SEPTIN10: variants seen among roughly 807,000 people sequenced by gnomAD.
SEPTIN10 encodes the protein septin 10.
A neutral mutation model predicts 54.8 loss-of-function variants in SEPTIN10; 66 were observed. The ratio of observed to expected loss-of-function variants is 1.21; its 90% confidence interval spans 0.99 to 1.48. The LOEUF is 1.48. Among genes scored for constraint, SEPTIN10 ranks in the 40% most tolerant of loss-of-function variants. The pLI is 0.00. For synonymous variants in SEPTIN10, 161 were observed against 181.0 expected, an observed-to-expected ratio of 0.89 and a Z score of 0.89; for missense variants, 620 against 545.6, an observed-to-expected ratio of 1.14 and a Z score of -1.36.
At chr2:109,585,951 T>A in intron 2 of SEPTIN10, 113 bp from the exon 3 acceptor site, 2 of 689,774 alleles carry the variant, frequency 2.9e-6, no homozygotes, top group Non-Finnish European at 4.9e-6. Flanking sequence ...ATTTTTATAA[T>A]CATTATACCT....
intron 1 of SEPTIN10, among the ~76,000 whole-genome samples, chr2:109,599,045 A>C (rs867687916): frequency 8.5e-5 from 13 of 152,204 alleles, no homozygotes; most frequent in African/African-American, 3.1e-4. Context: ...AGTTAAAATA[A>C]AGTTACAGGT....
In SEPTIN10 at chr2:109,546,230, G is replaced by A; in HGVS notation, c.1169C>T (p.Ala390Val). Residue 390 changes from alanine to valine, a missense_variant, in exon 10 of 11, where the codon GCC (alanine) becomes GTC (valine). By Grantham distance (64) the Ala-to-Val change is moderately conservative. Transcript: ENST00000397712. ...ILKEAERELQAKFEHLKRLHQ... is the reference protein window; with the variant it reads ...ILKEAERELQVKFEHLKRLHQ... The stretch of plus-strand genomic sequence containing the variant: ...AAGTCTCTTAAGGTGCTCAAATTTG[G>A]CCTGTAGCTGGAAACAAAAGTGCAA... 2 of 1,541,466 alleles carry A rather than the reference G, an allele frequency of 1.3e-6. No individual in the cohort carries two copies. The highest frequency in any genetic ancestry group is 1.7e-6 in the Non-Finnish European group (2 of 1,146,334).
At chr2:109,598,364 G>A (rs1034189970) in intron 1 of SEPTIN10, among the ~76,000 whole-genome samples, 23 of 151,732 alleles carry the variant, frequency 1.5e-4, no homozygotes, top group African/African-American at 5.1e-4. Flanking sequence ...CACTGCGCCC[G>A]GCCCTATAAT....
At chr2:109,545,215 T>C (rs1310091981) in intron 10 of SEPTIN10, 3 of 985,254 alleles carry the variant, frequency 3.0e-6, no homozygotes, top group African/African-American at 3.5e-5. Flanking sequence ...CAAATGAGCA[T>C]TCTGAATAGA....
chr2:109,553,891 A>C (rs938990860), intron 8 of SEPTIN10, among the ~76,000 whole-genome samples: 1 of 152,158 alleles, frequency 6.6e-6, no homozygotes, highest in Non-Finnish European at 1.5e-5. Flanking sequence ...ACTTTCAAAA[A>C]TACAAGTGCT....
At chr2:109,544,386 A>G in intron 10 of SEPTIN10, 62 bp from the exon 11 acceptor site, 1 of 1,545,160 alleles carries the variant, frequency 6.5e-7, no homozygotes, top group Non-Finnish European at 8.6e-7. Context: ...AAAAATTAGC[A>G]AACATGCATC....
At position 109,565,815 on chromosome 2, in the gene SEPTIN10, T is replaced by C. The variant is rs771470210; in HGVS notation, c.807A>G (p.Lys269=). 6.2e-7 allele frequency: 1 copy of C among 1,614,080 alleles called. No homozygotes were observed. Among genetic ancestry groups the C allele is most frequent in the Non-Finnish European group, 8.5e-7 (1 of 1,179,990 alleles). The change falls in exon 7 of 11, where the codon AAA becomes AAG. Residue 269 remains lysine (K), a synonymous_variant. Transcript: ENST00000397712. Reference sequence around the variant, plus strand: ...GAGCTTTGACCATCTTGTTTCCGACTTTTACCTCATCCATACTTCCCACAA... The same window carrying C: ...GAGCTTTGACCATCTTGTTTCCGACCTTTACCTCATCCATACTTCCCACAA... ...FAVVGSMDEV[K]VGNKMVKARQ...
At chr2:109,593,862 T>C (rs1304231053) in intron 1 of SEPTIN10, among the ~76,000 whole-genome samples, 2 of 152,228 alleles carry the variant, frequency 1.3e-5, no homozygotes, top group Non-Finnish European at 2.9e-5. Flanking sequence ...CCTTAGTCAC[T>C]AAAATAATCA....
chr2:109,592,810 G>GA (rs887499702), intron 2 of SEPTIN10, among the ~76,000 whole-genome samples: 7 of 149,858 alleles, frequency 4.7e-5, no homozygotes, highest in East Asian at 2.0e-4. Context: ...AAAAGAAACA[G>GA]AAAAAAAAAT....
chr2:109,593,289 T>C (rs1377123141), intron 1 of SEPTIN10, among the ~76,000 whole-genome samples, 170 bp from the exon 2 acceptor site: 5 of 152,242 alleles, frequency 3.3e-5, no homozygotes, highest in Non-Finnish European at 7.3e-5. Flanking sequence ...GCTTTCTTGC[T>C]GGATAGGTAT....
intron 8 of SEPTIN10, among the ~76,000 whole-genome samples, chr2:109,553,635 C>G (rs1683641821): frequency 6.6e-6 from 1 of 151,534 alleles, no homozygotes; most frequent in African/African-American, 2.4e-5. Context: ...GGCAGATCAC[C>G]TGAGGTCAGG....
At chr2:109,558,708 C>T (rs76344302) in intron 8 of SEPTIN10, among the ~76,000 whole-genome samples, 31,237 of 151,954 alleles carry the variant, frequency 0.21, 3,803 homozygotes, top group South Asian at 0.27. Context: ...GAAAAACAAA[C>T]GGAAGTTCTG....
chr2:109,583,198 G>C (rs546865901), intron 4 of SEPTIN10, among the ~76,000 whole-genome samples: 9 of 152,216 alleles, frequency 5.9e-5, no homozygotes, highest in Admixed American at 4.6e-4. Context: ...CTTCTACATA[G>C]CAAAACAAAC....
chr2:109,566,112 AATTT>A (rs1471590580), intron 6 of SEPTIN10, among the ~76,000 whole-genome samples: 4 of 151,838 alleles, frequency 2.6e-5, no homozygotes, highest in East Asian at 1.9e-4. Flanking sequence ...AAACAAAAAA[AATTT>A]ATTTATTTAT....
intron 1 of SEPTIN10, among the ~76,000 whole-genome samples, chr2:109,606,672 C>CTTTTTTTTTTTTTTTTTTTTTTTTTTTT: frequency 1.4e-5 from 1 of 71,896 alleles, no homozygotes; most frequent in Non-Finnish European, 2.4e-5. Flanking sequence ...AAATTTTAAG[C>CTTTTTTTTTTTTTTTTTTTTTTTTTTTT]TTTTTTTTTT....
chr2:109,554,009 C>T (rs1170628075), intron 8 of SEPTIN10, among the ~76,000 whole-genome samples: 3 of 152,088 alleles, frequency 2.0e-5, no homozygotes, highest in Non-Finnish European at 4.4e-5. Flanking sequence ...GAATTAAGTT[C>T]GTATGGTATA....
intron 6 of SEPTIN10, among the ~76,000 whole-genome samples, chr2:109,566,773 G>A (rs1294750078): frequency 6.6e-6 from 1 of 152,084 alleles, no homozygotes; most frequent in African/African-American, 2.4e-5. Flanking sequence ...AAAAGATTCT[G>A]AACAAAATGC....
intron 1 of SEPTIN10, among the ~76,000 whole-genome samples, chr2:109,610,149 C>A (rs1220098570): frequency 1.3e-5 from 2 of 151,006 alleles, no homozygotes; most frequent in Non-Finnish European, 2.9e-5. Flanking sequence ...AGTGCAGTGG[C>A]GCGATCTCAG....
chr2:109,599,894 G>A (rs1179762659), intron 1 of SEPTIN10, among the ~76,000 whole-genome samples: 4 of 152,134 alleles, frequency 2.6e-5, no homozygotes, highest in Non-Finnish European at 5.9e-5. Context: ...ACACTGCAAT[G>A]AATGTTCCAA....
Sources: gnomAD v4.1 joint callset for allele counts (sites outside exome capture counted in the v4.1 genomes callset) on GRCh38, gnomAD v4.1.1 for gene constraint, MANE v1.5 for transcripts, NCBI Gene and HGNC (gene_info 2026-07-23, HGNC 2026-07-21) for gene names.